The following OSBP2 variants were observed in gnomAD, a reference collection of about 807,000 sequenced individuals.
OSBP2 encodes oxysterol-binding protein 2.
A neutral mutation model predicts 96.0 loss-of-function variants in OSBP2; 66 were observed. The observed-to-expected ratio is 0.69, with a 90% CI of 0.56 to 0.84. The LOEUF (loss-of-function observed/expected upper bound fraction) is 0.84, where lower values mean the gene tolerates loss of function less well. Among genes scored for constraint, OSBP2 ranks in the 40% least tolerant of loss-of-function variants. The pLI is 0.00. For synonymous variants in OSBP2, 525 were observed against 520.9 expected, an observed-to-expected ratio of 1.01 and a Z score of -0.11; for missense variants, 1,038 against 1,222.7, an observed-to-expected ratio of 0.85 and a Z score of 2.25.
At chr22:30,788,319 A>C (rs1261117660) in intron 2 of OSBP2, among the ~76,000 whole-genome samples, 4 of 152,168 alleles carry the variant, frequency 2.6e-5, no homozygotes, top group Non-Finnish European at 5.9e-5. Context: ...ATCATTCTGC[A>C]GTTGCTGCCA....
At chr22:30,782,363 T>A (rs563700469) in intron 2 of OSBP2, among the ~76,000 whole-genome samples, 2 of 152,294 alleles carry the variant, frequency 1.3e-5, no homozygotes, top group African/African-American at 4.8e-5. Flanking sequence ...TCGTTTGCAT[T>A]TTCTAGGATT....
At chr22:30,785,208 C>T (rs1266129078) in intron 2 of OSBP2, among the ~76,000 whole-genome samples, 1 of 152,156 alleles carries the variant, frequency 6.6e-6, no homozygotes, top group Non-Finnish European at 1.5e-5. Context: ...TAGATTTAAA[C>T]TTTCCTCTGT....
chr22:30,874,994 G>A (rs555931652), intron 3 of OSBP2, among the ~76,000 whole-genome samples: 68 of 152,316 alleles, frequency 4.5e-4, no homozygotes, highest in Admixed American at 1.0e-3. Flanking sequence ...TTACTCACGG[G>A]TGTCCCCGAC....
intron 2 of OSBP2, among the ~76,000 whole-genome samples, chr22:30,800,997 T>C (rs2090842846): frequency 6.6e-6 from 1 of 152,256 alleles, no homozygotes; most frequent in African/African-American, 2.4e-5. Context: ...ATAGACATGC[T>C]GGTGAATTCT....
intron 2 of OSBP2, among the ~76,000 whole-genome samples, chr22:30,783,009 C>T (rs1602257065): frequency 6.7e-6 from 1 of 150,182 alleles, no homozygotes; most frequent in Admixed American, 6.6e-5. Flanking sequence ...TATGTTTTCT[C>T]AGACATGACA....
chr22:30,895,864 G>T (rs1157564352), intron 12 of OSBP2, among the ~76,000 whole-genome samples: 2 of 151,526 alleles, frequency 1.3e-5, no homozygotes, highest in Non-Finnish European at 2.9e-5. Context: ...CTTGAATCTG[G>T]GAGGCAGAGG....
intron 2 of OSBP2, among the ~76,000 whole-genome samples, chr22:30,768,320 T>C (rs953968066): frequency 2.0e-5 from 3 of 152,086 alleles, no homozygotes; most frequent in Non-Finnish European, 2.9e-5. Context: ...GTAATACGCC[T>C]CTGGGGGTGG....
intron 9 of OSBP2, 89 bp from the exon 10 acceptor site, chr22:30,893,374 G>C: frequency 6.5e-7 from 1 of 1,542,070 alleles, no homozygotes; most frequent in Non-Finnish European, 9.0e-7. Flanking sequence ...CAACCCCCCA[G>C]CCTAGTTCTC....
intron 4 of OSBP2, among the ~76,000 whole-genome samples, chr22:30,887,979 C>T (rs546058765): frequency 1.3e-5 from 2 of 152,282 alleles, no homozygotes; most frequent in South Asian, 4.1e-4. Context: ...GACTGACCCA[C>T]ATGTTGAGAG....
At chr22:30,840,812 G>GTTT (rs112395064) in intron 2 of OSBP2, among the ~76,000 whole-genome samples, 3 of 146,628 alleles carry the variant, frequency 2.0e-5, no homozygotes, top group South Asian at 2.2e-4. Context: ...TAGTTTTAGT[G>GTTT]TTTTTTTTTT....
intron 2 of OSBP2, among the ~76,000 whole-genome samples, chr22:30,786,004 T>G (rs1354129210): frequency 6.8e-6 from 1 of 147,190 alleles, no homozygotes; most frequent in South Asian, 2.1e-4. Flanking sequence ...AATATGAGAA[T>G]GGACTAATAC....
chr22:30,821,708 T>C (rs2038277413), intron 2 of OSBP2, among the ~76,000 whole-genome samples: 1 of 152,182 alleles, frequency 6.6e-6, no homozygotes, highest in Admixed American at 6.5e-5. Context: ...GAAATTTTTG[T>C]AAGTGAAACT....
chr22:30,846,581 GT>G (rs1039903035), intron 2 of OSBP2, among the ~76,000 whole-genome samples: 9 of 148,274 alleles, frequency 6.1e-5, no homozygotes, highest in Middle Eastern at 3.4e-3. Context: ...CTCACTGTGG[GT>G]TTTTTTTTTA....
In OSBP2 at chr22:30,889,482, T is replaced by C; in HGVS notation, c.1477-8T>C. 9.3e-6 allele frequency: 15 copies of C among 1,614,038 alleles called. No individual in the cohort carries two copies. Among genetic ancestry groups the C allele is most frequent in the East Asian group, 2.2e-5 (1 of 44,880 alleles). ...CTGACGGTGAGGGGGTCCCCACTTA[T>C]GTGGCAGGTACTAGATGGTGCCTCG... On this transcript the variant is annotated splice_region_variant and splice_polypyrimidine_tract_variant and intron_variant, in intron 6 of 13. Transcript: ENST00000332585.
At chr22:30,723,387 G>C (rs1396625971) in intron 1 of OSBP2, among the ~76,000 whole-genome samples, 1 of 151,542 alleles carries the variant, frequency 6.6e-6, no homozygotes, top group Admixed American at 6.6e-5. Context: ...TTACAGGCGT[G>C]AGCCACCACA....
chr22:30,818,870 A>G (rs1282109174), intron 2 of OSBP2, among the ~76,000 whole-genome samples: 3 of 152,190 alleles, frequency 2.0e-5, no homozygotes, highest in Non-Finnish European at 4.4e-5. Flanking sequence ...GAACAGAGCA[A>G]CCAGTTTGAT....
chr22:30,702,324 AC>A (rs1363449567), intron 1 of OSBP2, among the ~76,000 whole-genome samples: 3 of 152,008 alleles, frequency 2.0e-5, no homozygotes, highest in Admixed American at 1.3e-4. Flanking sequence ...TTTCAATAGT[AC>A]CTTCTCTGCT....
At chr22:30,825,616 AT>A (rs1447585085) in intron 2 of OSBP2, among the ~76,000 whole-genome samples, 2 of 152,164 alleles carry the variant, frequency 1.3e-5, no homozygotes, top group Non-Finnish European at 2.9e-5. Context: ...GTGTGCACTT[AT>A]GTGTATATGC....
intron 12 of OSBP2, 74 bp downstream of exon 12, chr22:30,894,075 C>A: frequency 7.3e-7 from 1 of 1,368,932 alleles, no homozygotes; most frequent in Non-Finnish European, 1.0e-6. Flanking sequence ...AAGCAACTGA[C>A]AGGCACAGGA....
Sources: gnomAD v4.1 joint callset for allele counts (sites outside exome capture counted in the v4.1 genomes callset) on GRCh38, gnomAD v4.1.1 for gene constraint, MANE v1.5 for transcripts, NCBI Gene and HGNC (gene_info 2026-07-23, HGNC 2026-07-21) for gene names.